Variants in MGAT3 observed in about 807,000 individuals in gnomAD.
The protein encoded by MGAT3 is GlcNAc-T III.
Under a neutral mutation model 29.8 loss-of-function variants are expected in MGAT3, and 9 were observed. The ratio of observed to expected loss-of-function variants is 0.30; its 90% confidence interval spans 0.18 to 0.53. MGAT3 has a LOEUF of 0.53. MGAT3 is among the 20% of genes least tolerant of loss of function. The probability of loss-of-function intolerance (pLI) is 0.96; values close to 1 mark genes in which losing one functional copy is unlikely to be tolerated. For missense variants in MGAT3, 557 were observed against 769.5 expected, an observed-to-expected ratio of 0.72 and a Z score of 3.27; for synonymous variants, 397 against 348.9, an observed-to-expected ratio of 1.14 and a Z score of -1.54.
chr22:39,462,628 A>T (rs982081321), intron 1 of MGAT3, among the ~76,000 whole-genome samples: 2 of 152,304 alleles, frequency 1.3e-5, no homozygotes, highest in South Asian at 4.1e-4. Context: ...GGAGCTGCCC[A>T]TGGGCTGGAA....
At chr22:39,476,097 G>A (rs535086904) in intron 1 of MGAT3, among the ~76,000 whole-genome samples, 15 of 152,146 alleles carry the variant, frequency 9.9e-5, no homozygotes, top group African/African-American at 3.4e-4. Context: ...CGGCCACTCC[G>A]TGGGAAAGTC....
Position 39,470,132 on chromosome 22 carries a change from C to G in MGAT3, c.-2+12575C>G, listed in dbSNP as rs531539830. ...GACCGAGGCCTGTGGTGACCCTGCT[C>G]TCCTGTGGCCTCGCCAGCAGGGTGA... On this transcript the variant is annotated intron_variant, in intron 1 of 1. Transcript: ENST00000341184. 3.3e-5 allele frequency among the ~76,000 whole-genome samples: 5 copies of G among 152,326 alleles called. No homozygotes were observed. The East Asian group carries it at 9.7e-4, about 29-fold the overall frequency.
chr22:39,469,862 G>A (rs1268816102), intron 1 of MGAT3, among the ~76,000 whole-genome samples: 4 of 152,336 alleles, frequency 2.6e-5, no homozygotes, highest in East Asian at 1.9e-4. Context: ...AGGGCAGGGC[G>A]GCGCTGAACT....
Position 39,457,681 on chromosome 22 carries a change from G to A in MGAT3, c.-2+124G>A, listed in dbSNP as rs1455358944. On this transcript the variant is annotated intron_variant, in intron 1 of 1. Transcript: ENST00000341184. The surrounding 1 kb of genome is among the most constrained non-coding windows in gnomAD (Gnocchi z 6.8). ...GGCCCACTCCCCGAGCGTGACCTTA[G>A]GGGGCGGGCGCGGGCGCACTGGGGC... The A allele has an allele frequency of 1.3e-5, 2 of 150,378 alleles. No homozygotes were observed. Among genetic ancestry groups the A allele is most frequent in the Non-Finnish European group, 3.0e-5 (2 of 67,326 alleles). 9.3% of individuals were successfully genotyped at this position (150,378 alleles called of 1,614,324 possible). A position where few individuals can be genotyped will look rare whatever the true frequency, so the allele number is the denominator to read the frequency against.
In MGAT3 at chr22:39,457,642, C is replaced by T. The variant is rs1447710112; in HGVS notation, c.-2+85C>T. ...CCTCCCGCGCTGCGCTTGGCGCCCC[C>T]CGCCCGGCTCCGCGGCCCACTCCCC... is the stretch of plus-strand genomic sequence containing the variant. On this transcript the variant is annotated intron_variant, in intron 1 of 1. Coordinates refer to ENST00000341184, the MANE Select transcript of MGAT3 (RefSeq NM_002409.5). The surrounding 1 kb of genome is among the most constrained non-coding windows in gnomAD (Gnocchi z 6.8). The T allele has an allele frequency of 4.0e-5, 6 of 150,238 alleles. No individual in the cohort carries two copies. Among genetic ancestry groups the T allele is most frequent in the Non-Finnish European group, 8.9e-5 (6 of 67,244 alleles). The allele number at this position is 150,238 out of a possible 1,614,324, so 9.3% of individuals were successfully genotyped here.
intron 1 of MGAT3, among the ~76,000 whole-genome samples, chr22:39,483,703 G>A (rs951288298): frequency 1.5e-4 from 23 of 152,242 alleles, no homozygotes; most frequent in Middle Eastern, 6.8e-3. Context: ...GTCTCACTTT[G>A]CCAGACAAGG....
intron 1 of MGAT3, among the ~76,000 whole-genome samples, chr22:39,467,737 G>A (rs899901168): frequency 2.8e-5 from 4 of 142,104 alleles, no homozygotes; most frequent in African/African-American, 1.1e-4. Context: ...GTTTCGTTTC[G>A]TTTCGTTTCT....
intron 1 of MGAT3, among the ~76,000 whole-genome samples, chr22:39,479,501 T>G (rs1019925352): frequency 3.3e-5 from 5 of 151,962 alleles, no homozygotes; most frequent in African/African-American, 9.7e-5. Context: ...CAGGTTTAGG[T>G]TTTGCTCCCT....
chr22:39,478,654 A>T (rs1240277305), intron 1 of MGAT3, among the ~76,000 whole-genome samples: 1 of 152,170 alleles, frequency 6.6e-6, no homozygotes, highest in Non-Finnish European at 1.5e-5. Context: ...GACAGCTGTC[A>T]GTGTGAGTCT....
intron 1 of MGAT3, among the ~76,000 whole-genome samples, chr22:39,479,340 C>A (rs1003638314): frequency 7.2e-5 from 11 of 152,142 alleles, no homozygotes; most frequent in Admixed American, 2.6e-4. Flanking sequence ...AAGACAAAAC[C>A]CTGTCTAAAA....
chr22:39,481,352 T>G (rs113662710), intron 1 of MGAT3, among the ~76,000 whole-genome samples: 22 of 152,358 alleles, frequency 1.4e-4, no homozygotes, highest in African/African-American at 5.3e-4. Context: ...CCGCTTTGTC[T>G]TTCTCCAGAG....
intron 1 of MGAT3, among the ~76,000 whole-genome samples, chr22:39,458,454 C>T (rs181155398): frequency 6.4e-4 from 98 of 152,182 alleles, no homozygotes; most frequent in Non-Finnish European, 1.3e-3. Context: ...CCAGATTCGC[C>T]TTGATGGGGG....
intron 1 of MGAT3, among the ~76,000 whole-genome samples, chr22:39,479,083 C>T (rs916043375): frequency 5.3e-5 from 8 of 152,250 alleles, no homozygotes; most frequent in African/African-American, 1.9e-4. Flanking sequence ...CGGTGGCCCA[C>T]GCTTGCAATC....
rs1258511174 is a variant in MGAT3 at position 39,457,986 on chromosome 22, C to G, written c.-2+429C>G. ...CCTCCGCGCCCGCCTTCCCCACCCC[C>G]GACCCCAGACTGCGGCGGCGGCAGC... On this transcript the variant is annotated intron_variant, in intron 1 of 1. Transcript: ENST00000341184. This position sits in a 1 kb window ranked among gnomAD's most constrained non-coding sequence, Gnocchi z 6.8. Among the ~76,000 whole-genome samples, 1 of 152,044 alleles carries G rather than the reference C, an allele frequency of 6.6e-6. No individual in the cohort carries two copies. The highest frequency in any genetic ancestry group is 2.4e-5 in the African/African-American group (1 of 41,420).
At chr22:39,464,819 C>T (rs977043379) in intron 1 of MGAT3, among the ~76,000 whole-genome samples, 2 of 151,852 alleles carry the variant, frequency 1.3e-5, no homozygotes, top group African/African-American at 2.4e-5. Flanking sequence ...GGCATGATCT[C>T]GGCTCACTGT....
intron 1 of MGAT3, among the ~76,000 whole-genome samples, chr22:39,478,956 T>C (rs1929046396): frequency 6.6e-6 from 1 of 152,244 alleles, no homozygotes; most frequent in Admixed American, 6.5e-5. Context: ...GCCTGAGGCC[T>C]GCCTGCTGCC....
chr22:39,474,194 A>G (rs1345013935), intron 1 of MGAT3, among the ~76,000 whole-genome samples: 3 of 152,100 alleles, frequency 2.0e-5, no homozygotes, highest in Non-Finnish European at 4.4e-5. Flanking sequence ...GGGTGCTCAC[A>G]TGGTTTCAGG....
intron 1 of MGAT3, among the ~76,000 whole-genome samples, chr22:39,472,054 C>G (rs989113424): frequency 6.6e-6 from 1 of 152,022 alleles, no homozygotes; most frequent in South Asian, 2.1e-4. Flanking sequence ...GCTCAGCCTC[C>G]TTCCAGGGTA....
At position 39,487,339 on chromosome 22, in the gene MGAT3, T is replaced by TCC. The variant is rs750371484; in HGVS notation, c.-1-6_-1-5dup. 1.2e-6 allele frequency: 2 copies of TCC among 1,608,070 alleles called. No homozygotes were observed. Among genetic ancestry groups the TCC allele is most frequent in the East Asian group, 4.5e-5 (2 of 44,804 alleles). On this transcript the variant is annotated splice_polypyrimidine_tract_variant and splice_region_variant and intron_variant, in intron 1 of 1. Transcript: ENST00000341184. The surrounding 1 kb of genome is among the most constrained non-coding windows in gnomAD (Gnocchi z 5.7). ...CTGATGAGTCTCCTGTCTCTCTCTC[T>TCC]CCCGCAGGATGAAGATGAGACGCTA...
Sources: gnomAD v4.1 joint callset for allele counts (sites outside exome capture counted in the v4.1 genomes callset) on GRCh38, gnomAD v4.1.1 for gene constraint, Gnocchi (gnomAD v3.1) non-coding constraint, MANE v1.5 for transcripts, NCBI Gene and HGNC (gene_info 2026-07-23, HGNC 2026-07-21) for gene names.